The following CYP3A4 variants were observed in gnomAD, a reference collection of about 807,000 sequenced individuals.
CYP3A4 encodes cytochrome P450 3A4.
A neutral mutation model predicts 54.9 loss-of-function variants in CYP3A4; 41 were observed. The observed-to-expected ratio is 0.75, with a 90% confidence interval of 0.58 to 0.97. The LOEUF (loss-of-function observed/expected upper bound fraction) is 0.97. Among genes scored for constraint, CYP3A4 ranks in the 50% least tolerant of loss-of-function variants. The pLI, the probability that CYP3A4 is intolerant of heterozygous loss-of-function variation, is 0.00. For missense variants in CYP3A4, 510 were observed against 597.3 expected (o/e 0.85, Z 1.52); for synonymous variants, 179 against 205.2 (o/e 0.87, Z 1.09).
intron 7 of CYP3A4, among the ~76,000 whole-genome samples, chr7:99,768,048 G>T (rs1815519203): frequency 6.6e-6 from 1 of 152,186 alleles, no homozygotes; most frequent in African/African-American, 2.4e-5. Flanking sequence ...AAACCCTGAT[G>T]AATTAATATC....
At chr7:99,783,916 CT>C (rs1563047184) in intron 1 of CYP3A4, 94 bp downstream of exon 1, 6 of 1,429,728 alleles carry the variant, frequency 4.2e-6, no homozygotes, top group East Asian at 2.3e-5. Flanking sequence ...GCCTGAACAT[CT>C]TTTTTGATCT....
chr7:99,768,064 T>C (rs1038719406), intron 7 of CYP3A4, among the ~76,000 whole-genome samples: 1 of 152,218 alleles, frequency 6.6e-6, no homozygotes, highest in African/African-American at 2.4e-5. Context: ...ATATCATTTC[T>C]ATGAAGTGTC....
chr7:99,760,766 C>T (rs1815298540), intron 12 of CYP3A4, 53 bp downstream of exon 12: 1 of 1,587,774 alleles, frequency 6.3e-7, no homozygotes, highest in South Asian at 1.1e-5. Flanking sequence ...ATACAGACCA[C>T]TCAGTTAAAA....
chr7:99,763,863 G>A lies in CYP3A4; in HGVS notation c.1018C>T (p.Pro340Ser). Residue 340 changes from proline to serine, a missense_variant, in exon 10 of 13, where the codon CCC becomes TCC. By Grantham distance (74) the Pro-to-Ser change is moderately conservative. Transcript: ENST00000651514. ...KLQEEIDAVL[P>S]NKAPPTYDTV... is the part of the protein sequence containing the mutation. ...ATGTACCATCCACTCACCTTATTGGGTAAAACTGCATCAATTTCCTCCTGC... is the reference window on the plus strand; with the variant it reads ...ATGTACCATCCACTCACCTTATTGGATAAAACTGCATCAATTTCCTCCTGC... 6.2e-7 allele frequency: 1 copy of A among 1,613,912 alleles called. No individual in the cohort carries two copies. The highest frequency in any genetic ancestry group is 1.1e-5 in the South Asian group (1 of 91,068).
rs750108651 is a variant in CYP3A4 at position 99,770,158 on chromosome 7, C to T, written c.396G>A (p.Leu132=). 1.9e-6 allele frequency: 3 copies of T among 1,613,706 alleles called. No homozygotes were observed. The Admixed American group carries it at 5.0e-5, about 27-fold the overall frequency. ...TTCCACTGGTGAAGGTTGGAGACAGCAATGATCGTAATCTCTTCCATTCTT... is the reference window on the plus strand; with the variant it reads ...TTCCACTGGTGAAGGTTGGAGACAGTAATGATCGTAATCTCTTCCATTCTT... ...EDEEWKRLRS[L]LSPTFTSGKL... The change falls in exon 5 of 13, where the codon TTG becomes TTA. Residue 132 remains leucine, a synonymous_variant. Transcript: ENST00000651514.
At chr7:99,775,655 C>T (rs571284543) in intron 3 of CYP3A4, among the ~76,000 whole-genome samples, 1 of 152,270 alleles carries the variant, frequency 6.6e-6, no homozygotes, top group Admixed American at 6.5e-5. Flanking sequence ...AAAATTGAAA[C>T]TGGACCCCTT....
intron 12 of CYP3A4, among the ~76,000 whole-genome samples, chr7:99,759,921 G>A (rs1000961622): frequency 4.6e-5 from 7 of 151,734 alleles, no homozygotes; most frequent in Admixed American, 1.3e-4. Context: ...TGCAGGCTCC[G>A]CTCCCTGGGG....
chr7:99,777,366 G>A (rs1192425392), intron 3 of CYP3A4, among the ~76,000 whole-genome samples: 2 of 152,156 alleles, frequency 1.3e-5, no homozygotes, highest in East Asian at 3.8e-4. Context: ...GCCTAGTTCA[G>A]ACTGTAGAAC....
chr7:99,772,470 G>T, intron 4 of CYP3A4, 120 bp downstream of exon 4: 1 of 1,219,274 alleles, frequency 8.2e-7, no homozygotes, highest in Non-Finnish European at 1.2e-6. Context: ...GGGGGGGACA[G>T]GATGAAGTGG....
At chr7:99,762,332 C>A in intron 10 of CYP3A4, 65 bp from the exon 11 acceptor site, 1 of 1,561,120 alleles carries the variant, frequency 6.4e-7, no homozygotes, top group Middle Eastern at 1.7e-4. Context: ...TCAGTCCATG[C>A]AGTACTAATG....
At chr7:99,777,040 AAAC>A (rs756684613) in intron 3 of CYP3A4, among the ~76,000 whole-genome samples, 1 of 152,166 alleles carries the variant, frequency 6.6e-6, no homozygotes, top group Non-Finnish European at 1.5e-5. Context: ...TAAAATTAAA[AAAC>A]AACAACAGCA....
At position 99,767,194 on chromosome 7, in the gene CYP3A4, A is replaced by C. The variant is rs756091902; in HGVS notation, c.735T>G (p.Val245=). The change falls in exon 8 of 13, where the codon GTT becomes GTG. Residue 245 remains valine (V), a synonymous_variant. Coordinates refer to ENST00000651514, the MANE Select transcript of CYP3A4 (RefSeq NM_017460.6). ...VLNICVFPRE[V]TNFLRKSVKR... is the part of the protein sequence containing the mutation. ...TTACAGATTTTCTTAAAAAATTTGT[A>C]ACTTCTCTTGGAAACACACAGATAT... The C allele has an allele frequency of 6.2e-7, 1 of 1,611,792 alleles. No homozygotes were observed. Among genetic ancestry groups the C allele is most frequent in the Non-Finnish European group, 8.5e-7 (1 of 1,178,586 alleles).
chr7:99,773,378 A>T (rs1024047217), intron 3 of CYP3A4, among the ~76,000 whole-genome samples: 1 of 152,210 alleles, frequency 6.6e-6, no homozygotes, highest in Non-Finnish European at 1.5e-5. Flanking sequence ...TCCACCCCAA[A>T]TTAACAGAAT....
intron 1 of CYP3A4, among the ~76,000 whole-genome samples, chr7:99,782,731 T>G (rs576040332): frequency 1.3e-5 from 2 of 152,356 alleles, no homozygotes; most frequent in South Asian, 4.1e-4. Flanking sequence ...CTGTCATCAC[T>G]GGCTCACAGT....
chr7:99,777,925 G>A (rs535900562), intron 3 of CYP3A4, 103 bp downstream of exon 3: 1 of 873,818 alleles, frequency 1.1e-6, no homozygotes, highest in Non-Finnish European at 1.9e-6. Context: ...AGGTTGACAA[G>A]AGCTTCATCC....
intron 12 of CYP3A4, among the ~76,000 whole-genome samples, chr7:99,759,976 C>T (rs1416274150): frequency 1.3e-5 from 2 of 152,114 alleles, no homozygotes; most frequent in African/African-American, 2.4e-5. Flanking sequence ...GCTGGGACTA[C>T]AGGTGCCTGC....
rs1320691708 is a variant in CYP3A4, at chr7:99,768,402, T to C, written c.622A>G (p.Lys208Glu). The C allele has an allele frequency of 1.2e-6, 2 of 1,614,050 alleles. No homozygotes were observed. The highest frequency in any genetic ancestry group is 2.2e-5 in the East Asian group (1 of 44,868). Residue 208 changes from lysine to glutamate, a missense_variant, in exon 7 of 13, where the codon AAG becomes GAG. Lys to Glu is a moderately conservative substitution (Grantham distance 56). Around this residue, in one of 2 missense-constraint regions of CYP3A4, gnomAD observed 272 missense variants for 274.9 expected, o/e 0.99. Coordinates refer to ENST00000651514, the MANE Select transcript of CYP3A4 (RefSeq NM_017460.6). Reference sequence around the variant, plus strand: ...AAAAAATCAAATCTTAAAAGCTTCTTGGTGTTTTCCACAAAGGGGTCTTGT... The same window carrying C: ...AAAAAATCAAATCTTAAAAGCTTCTCGGTGTTTTCCACAAAGGGGTCTTGT... ...NPQDPFVENT[K>E]KLLRFDFLDP...
chr7:99,762,288 T>G lies in CYP3A4; in HGVS notation c.1027-21A>C, dbSNP rs12721617. 5.9e-3 allele frequency: 9,589 copies of G among 1,612,242 alleles called. 33 individuals are homozygous for G. The highest frequency in any genetic ancestry group is 7.4e-3 in the Non-Finnish European group (8,735 of 1,178,984). On this transcript the variant is annotated intron_variant, in intron 10 of 12. Coordinates refer to ENST00000651514, the MANE Select transcript of CYP3A4 (RefSeq NM_017460.6). ...GGTGCCTGGAAAGAACGAAACAGAT[T>G]TGGATAAATTGAGATTTTGAATTAA...
chr7:99,764,867 GT>G (rs1815436201), intron 9 of CYP3A4, among the ~76,000 whole-genome samples: 1 of 152,192 alleles, frequency 6.6e-6, no homozygotes, highest in Admixed American at 6.5e-5. Flanking sequence ...ATGATTACAA[GT>G]TGGGCCCCTC....
Sources: allele counts gnomAD v4.1 joint callset (sites outside exome capture counted in the v4.1 genomes callset), GRCh38; gene constraint gnomAD v4.1.1; regional missense constraint gnomAD v4.1.1; transcripts MANE v1.5; gene names NCBI Gene and HGNC (gene_info 2026-07-23, HGNC 2026-07-21).